TECRL: variants seen among roughly 807,000 people sequenced by gnomAD.
TECRL encodes trans-2,3-enoyl-CoA reductase like.
Under a neutral mutation model 52.8 loss-of-function variants are expected in TECRL, and 63 were observed. The observed-to-expected ratio is 1.19, with a 90% CI of 0.97 to 1.47. The LOEUF is 1.47. Ranked by LOEUF, TECRL falls within the 40% of genes most tolerant of loss-of-function variation. TECRL has a pLI of 0.00. For synonymous variants in TECRL, 164 were observed against 141.9 expected, an observed-to-expected ratio of 1.16 and a Z score of -1.10; for missense variants, 482 against 429.6, an observed-to-expected ratio of 1.12 and a Z score of -1.08.
At chr4:64,277,337 A>C (rs1019585733), downstream of TECRL, among the ~76,000 whole-genome samples, 3 of 151,922 alleles carry the variant, frequency 2.0e-5, no homozygotes, top group African/African-American at 7.2e-5. Context: ...CTTTCAAAAA[A>C]GGGACATTTA....
chr4:64,391,314 T>A (rs1723530045), intron 1 of TECRL, among the ~76,000 whole-genome samples: 1 of 151,866 alleles, frequency 6.6e-6, no homozygotes, highest in African/African-American at 2.4e-5. Context: ...TTACTTTGAA[T>A]GCCATATATT....
intron 9 of TECRL, among the ~76,000 whole-genome samples, chr4:64,286,035 A>C (rs1723064559): frequency 6.6e-6 from 1 of 152,158 alleles, no homozygotes; most frequent in Non-Finnish European, 1.5e-5. Context: ...AAGTCAATTC[A>C]CACATTTAAT....
chr4:64,334,181 C>T (rs1718878774), intron 2 of TECRL, among the ~76,000 whole-genome samples: 4 of 151,980 alleles, frequency 2.6e-5, no homozygotes, highest in Admixed American at 2.6e-4. Context: ...GAATTCTTGT[C>T]TTTCTTCTTA....
chr4:64,281,981 A>G (rs1048155858), intron 9 of TECRL, among the ~76,000 whole-genome samples: 1 of 151,916 alleles, frequency 6.6e-6, no homozygotes, highest in African/African-American at 2.4e-5. Flanking sequence ...ATTATTAAAT[A>G]CCTCAAAAAT....
At chr4:64,341,851 A>G (rs1419177732) in intron 2 of TECRL, among the ~76,000 whole-genome samples, 1 of 152,138 alleles carries the variant, frequency 6.6e-6, no homozygotes, top group Admixed American at 6.5e-5. Flanking sequence ...CAGAGAGCTA[A>G]CACCCATGCT....
At chr4:64,390,802 A>T (rs372123760) in intron 1 of TECRL, among the ~76,000 whole-genome samples, 9 of 151,858 alleles carry the variant, frequency 5.9e-5, no homozygotes, top group Admixed American at 4.6e-4. Context: ...GAGCACTTCA[A>T]ATTTTGAAGT....
intron 1 of TECRL, among the ~76,000 whole-genome samples, chr4:64,405,224 A>T (rs1405068826): frequency 6.6e-6 from 1 of 152,166 alleles, no homozygotes; most frequent in Non-Finnish European, 1.5e-5. Context: ...AAAGAAAAGC[A>T]TTGACTAGTT....
rs888343214 is a variant in TECRL at position 64,375,160 on chromosome 4, T to C, written c.286+12A>G. ...ATTATGATGTAAATTCTAAATAATA[T>C]ATAAAACTTACATGCTTTGTGAAAC... is the stretch of plus-strand genomic sequence containing the variant. On this transcript the variant is annotated intron_variant, in intron 2 of 11. Transcript: ENST00000381210. 1.1e-5 allele frequency: 14 copies of C among 1,283,408 alleles called. No homozygotes were observed. Among genetic ancestry groups the C allele is most frequent in the Non-Finnish European group, 1.4e-5 (13 of 958,152 alleles). 79.5% of individuals were successfully genotyped at this position (1,283,408 alleles called of 1,614,324 possible).
Position 64,402,483 on chromosome 4 carries a change from A to G in TECRL, c.234+6635T>C, listed in dbSNP as rs576593509. On this transcript the variant is annotated intron_variant, in intron 1 of 11. Transcript: ENST00000381210. ...TGGATTATATACAGTAATAATAGATATTTGAATCATTACTGGGATGAGGAG... is the reference window on the plus strand; with the variant it reads ...TGGATTATATACAGTAATAATAGATGTTTGAATCATTACTGGGATGAGGAG... 5.9e-5 allele frequency among the ~76,000 whole-genome samples: 9 copies of G among 152,220 alleles called. No homozygotes were observed. The South Asian group carries it at 1.9e-3, about 32-fold the overall frequency.
chr4:64,379,804 T>C (rs1468816004), intron 1 of TECRL, among the ~76,000 whole-genome samples: 1 of 152,166 alleles, frequency 6.6e-6, no homozygotes, highest in Non-Finnish European at 1.5e-5. Context: ...GTTCCATCTA[T>C]GTTGCTGCAA....
chr4:64,277,311 A>G (rs138726495), downstream of TECRL, among the ~76,000 whole-genome samples: 358 of 152,042 alleles, frequency 2.4e-3, no homozygotes, highest in Admixed American at 5.1e-3. Context: ...TTACAAAAAC[A>G]GAAACTATTC....
chr4:64,405,089 AG>A (rs1464241758), intron 1 of TECRL, among the ~76,000 whole-genome samples: 2 of 152,264 alleles, frequency 1.3e-5, no homozygotes, highest in South Asian at 2.1e-4. Context: ...AAAAATAAAT[AG>A]TAGTTTAGTT....
intron 2 of TECRL, among the ~76,000 whole-genome samples, chr4:64,359,972 G>C (rs1201855064): frequency 1.3e-5 from 2 of 152,084 alleles, no homozygotes; most frequent in Non-Finnish European, 2.9e-5. Context: ...TTTAAGTGAT[G>C]TACTTAAAAG....
chr4:64,282,092 A>G (rs1164642926), intron 9 of TECRL, among the ~76,000 whole-genome samples: 1 of 151,974 alleles, frequency 6.6e-6, no homozygotes, highest in Non-Finnish European at 1.5e-5. Flanking sequence ...ACTGAATATC[A>G]GTATAGTTAA....
At chr4:64,361,340 C>G (rs1447154555) in intron 2 of TECRL, among the ~76,000 whole-genome samples, 1 of 152,144 alleles carries the variant, frequency 6.6e-6, no homozygotes, top group South Asian at 2.1e-4. Flanking sequence ...ATCATCCCAC[C>G]AATGTACACG....
intron 2 of TECRL, among the ~76,000 whole-genome samples, chr4:64,363,959 T>C (rs1402793977): frequency 6.6e-6 from 1 of 152,080 alleles, no homozygotes; most frequent in Non-Finnish European, 1.5e-5. Context: ...CCTAAAAATA[T>C]ACATTATTAT....
chr4:64,334,038 A>AAAAAAAAAAAAAAAAAAAG (rs1718860189), intron 2 of TECRL, among the ~76,000 whole-genome samples: 1 of 118,134 alleles, frequency 8.5e-6, no homozygotes, highest in Non-Finnish European at 1.7e-5. Flanking sequence ...CTCAAAAAAA[A>AAAAAAAAAAAAAAAAAAAG]AAAAAAAAAA....
At chr4:64,367,996 A>G (rs1721720952) in intron 2 of TECRL, among the ~76,000 whole-genome samples, 1 of 152,044 alleles carries the variant, frequency 6.6e-6, no homozygotes, top group Admixed American at 6.6e-5. Context: ...ACCAGGTTTT[A>G]TTAACCTGGT....
At chr4:64,320,384 C>A (rs1173260934) in intron 4 of TECRL, among the ~76,000 whole-genome samples, 1 of 151,774 alleles carries the variant, frequency 6.6e-6, no homozygotes, top group East Asian at 1.9e-4. Context: ...ACTTTTGTTG[C>A]ATAATTTAGT....
Sources: gnomAD v4.1 joint callset for allele counts (sites outside exome capture counted in the v4.1 genomes callset) on GRCh38, gnomAD v4.1.1 for gene constraint, MANE v1.5 for transcripts, NCBI Gene and HGNC (gene_info 2026-07-23, HGNC 2026-07-21) for gene names.